LPIN1: variants seen among roughly 807,000 people sequenced by gnomAD.
LPIN1 encodes phosphatidate phosphatase LPIN1.
Under a neutral mutation model 107.5 loss-of-function variants are expected in LPIN1, and 71 were observed. That is an observed-to-expected ratio of 0.66 (90% CI 0.55 to 0.80). LPIN1 has a LOEUF of 0.80. Ranked by LOEUF, LPIN1 falls within the 30% of genes least tolerant of loss-of-function variation. LPIN1 has a pLI of 0.00. For missense variants in LPIN1, 1,043 were observed against 1,160.6 expected, an observed-to-expected ratio of 0.90 and a Z score of 1.47; for synonymous variants, 445 against 452.6, an observed-to-expected ratio of 0.98 and a Z score of 0.21.
At chr2:11,709,077 C>G (rs1663274097) in intron 1 of LPIN1, among the ~76,000 whole-genome samples, 1 of 152,156 alleles carries the variant, frequency 6.6e-6, no homozygotes. Context: ...ACTCCAAAAC[C>G]CATGCTGGGG....
intron 20 of LPIN1, among the ~76,000 whole-genome samples, chr2:11,822,773 GA>G (rs1466337459): frequency 6.6e-6 from 1 of 152,218 alleles, no homozygotes; most frequent in African/African-American, 2.4e-5. Context: ...CCAGGAATGG[GA>G]AAGTGGCAGG....
upstream of LPIN1, among the ~76,000 whole-genome samples, chr2:11,719,454 G>T (rs1171214248): frequency 1.1e-4 from 17 of 152,190 alleles, no homozygotes; most frequent in African/African-American, 3.9e-4. Flanking sequence ...CCCCTTTGCA[G>T]GAAGTCCAGG....
chr2:11,735,317 C>G (rs1665687128), intron 1 of LPIN1, among the ~76,000 whole-genome samples: 1 of 151,792 alleles, frequency 6.6e-6, no homozygotes, highest in Non-Finnish European at 1.5e-5. Context: ...GAAAGTGTTC[C>G]CATGGTACCC....
chr2:11,739,983 T>C (rs1275687501), intron 1 of LPIN1, among the ~76,000 whole-genome samples: 1 of 152,166 alleles, frequency 6.6e-6, no homozygotes, highest in African/African-American at 2.4e-5. Flanking sequence ...CTCACATGAT[T>C]ATGGAGGCTG....
chr2:11,744,448 C>G (rs1666690289), upstream of LPIN1, among the ~76,000 whole-genome samples: 1 of 152,232 alleles, frequency 6.6e-6, no homozygotes, highest in African/African-American at 2.4e-5. Flanking sequence ...AGGCTCCCCC[C>G]AACCCTTGGC....
chr2:11,695,266 G>A (rs970491342), intron 1 of LPIN1, among the ~76,000 whole-genome samples: 2 of 152,198 alleles, frequency 1.3e-5, no homozygotes, highest in African/African-American at 4.8e-5. Context: ...ACATGCCCAA[G>A]GCTAAAAGTG....
chr2:11,815,279 G>C, intron 18 of LPIN1, 39 bp downstream of exon 18: 1 of 1,611,998 alleles, frequency 6.2e-7, no homozygotes, highest in Non-Finnish European at 8.5e-7. Flanking sequence ...CTGTGAGCCT[G>C]TTCAGACCCG....
At chr2:11,799,209 T>G (rs1320238589) in intron 14 of LPIN1, among the ~76,000 whole-genome samples, 1 of 152,136 alleles carries the variant, frequency 6.6e-6, no homozygotes, top group Non-Finnish European at 1.5e-5. Context: ...TGTTTTCCTT[T>G]CTGTGTTCCT....
chr2:11,766,654 G>T (rs1273321228), intron 2 of LPIN1, among the ~76,000 whole-genome samples: 1 of 152,230 alleles, frequency 6.6e-6, no homozygotes, highest in East Asian at 1.9e-4. Flanking sequence ...CAAGGGTGGA[G>T]TTTTCTGGTG....
chr2:11,772,907 G>A (rs1471971470), intron 4 of LPIN1, among the ~76,000 whole-genome samples: 4 of 142,364 alleles, frequency 2.8e-5, no homozygotes, highest in African/African-American at 8.5e-5. Flanking sequence ...AACTGGCAAC[G>A]AATATTGCTT....
intron 7 of LPIN1, 65 bp downstream of exon 7, chr2:11,779,710 T>C (rs1451409089): frequency 1.2e-6 from 2 of 1,601,058 alleles, no homozygotes; most frequent in East Asian, 4.5e-5. Context: ...TACATGGAAT[T>C]AGTATCATAG....
intron 1 of LPIN1, among the ~76,000 whole-genome samples, chr2:11,685,871 C>T (rs530258336): frequency 6.6e-6 from 1 of 152,178 alleles, no homozygotes; most frequent in South Asian, 2.1e-4. Flanking sequence ...TCACATTCTC[C>T]CCGTGCCTCT....
chr2:11,807,365 A>G (rs1678885819), intron 17 of LPIN1, among the ~76,000 whole-genome samples: 1 of 152,336 alleles, frequency 6.6e-6, no homozygotes, highest in East Asian at 1.9e-4. Context: ...CTTGTGTGAC[A>G]CTGAAAATTG....
At chr2:11,710,306 G>C (rs1235297820) in intron 1 of LPIN1, among the ~76,000 whole-genome samples, 1 of 151,982 alleles carries the variant, frequency 6.6e-6, no homozygotes, top group South Asian at 2.1e-4. Flanking sequence ...AATCCATAGC[G>C]TCACATAAGT....
chr2:11,731,757 C>T (rs1259793272), intron 1 of LPIN1, among the ~76,000 whole-genome samples: 2 of 152,102 alleles, frequency 1.3e-5, no homozygotes, highest in Non-Finnish European at 2.9e-5. Context: ...TTAATAATTG[C>T]CTTTCCAACT....
intron 1 of LPIN1, among the ~76,000 whole-genome samples, chr2:11,753,101 G>A (rs1388617230): frequency 6.6e-6 from 1 of 152,116 alleles, no homozygotes; most frequent in Admixed American, 6.5e-5. Context: ...CAAGGAGGGG[G>A]ATGAGCAGGG....
chr2:11,806,796 T>A (rs1352493473), intron 17 of LPIN1, among the ~76,000 whole-genome samples: 1 of 152,238 alleles, frequency 6.6e-6, no homozygotes, highest in African/African-American at 2.4e-5. Flanking sequence ...CTGCAAGCTA[T>A]TCCCTTCCTT....
At chr2:11,686,457 C>T (rs1041967602) in intron 1 of LPIN1, among the ~76,000 whole-genome samples, 3 of 152,102 alleles carry the variant, frequency 2.0e-5, no homozygotes, top group Non-Finnish European at 2.9e-5. Context: ...GGACGGACTC[C>T]GGGAAAGATG....
intron 7 of LPIN1, among the ~76,000 whole-genome samples, chr2:11,781,340 A>G (rs1673540516): frequency 6.6e-6 from 1 of 152,246 alleles, no homozygotes; most frequent in Admixed American, 6.5e-5. Flanking sequence ...TGCTGGAGAA[A>G]CAGCATGGAA....
Sources: allele counts gnomAD v4.1 joint callset (sites outside exome capture counted in the v4.1 genomes callset), GRCh38; gene constraint gnomAD v4.1.1; transcripts MANE v1.5; gene names NCBI Gene and HGNC (gene_info 2026-07-23, HGNC 2026-07-21).